Variants in ALLC observed in about 807,000 individuals in gnomAD.
ALLC encodes allantoicase, also known as probable inactive allantoicase.
ALLC carries 40 observed loss-of-function variants against 45.0 expected under a neutral mutation model. The observed-to-expected ratio is 0.89, with a 90% CI of 0.69 to 1.16. The LOEUF is 1.16. Ranked by LOEUF, ALLC falls within the 50% of genes most tolerant of loss-of-function variation. The pLI is 0.00. For synonymous variants in ALLC, 176 were observed against 178.1 expected, an observed-to-expected ratio of 0.99 and a Z score of 0.09; for missense variants, 488 against 493.1, an observed-to-expected ratio of 0.99 and a Z score of 0.10.
rs1003862653 is a variant in ALLC at position 3,685,431 on chromosome 2, GAGAGAGAGAGAGAGAC to G, written c.511+2379_511+2394del. ...ATGTCTTACATGGCAGCAGGATCGA[GAGAGAGAGAGAGAGAC>G]AGAGAGAGAGAGAGACAGAGACAGA... is the stretch of plus-strand genomic sequence containing the variant. On this transcript the variant is annotated intron_variant, in intron 7 of 11. Coordinates refer to ENST00000252505, the MANE Select transcript of ALLC (RefSeq NM_018436.4). Among the ~76,000 whole-genome samples, 15 of 147,856 alleles carry G rather than the reference GAGAGAGAGAGAGAGAC, an allele frequency of 1.0e-4. 1 individual carries two copies. The highest frequency in any genetic ancestry group is 2.7e-4 in the Admixed American group (4 of 14,812).
intron 7 of ALLC, among the ~76,000 whole-genome samples, chr2:3,684,196 C>T (rs372632779): frequency 6.6e-6 from 1 of 152,140 alleles, no homozygotes; most frequent in East Asian, 1.9e-4. Context: ...CACTATTTTA[C>T]ATTCTTAACA....
At chr2:3,657,011 G>A (rs1035682999), upstream of ALLC, among the ~76,000 whole-genome samples, 9 of 152,142 alleles carry the variant, frequency 5.9e-5, no homozygotes, top group Admixed American at 3.9e-4. Context: ...GGGAAGTCAC[G>A]GCTGACAAGA....
chr2:3,662,886 C>A (rs924187639), intron 1 of ALLC, among the ~76,000 whole-genome samples: 7 of 152,174 alleles, frequency 4.6e-5, no homozygotes, highest in African/African-American at 1.4e-4. Context: ...GGGATATAGA[C>A]CTGCAAAGTG....
chr2:3,679,713 C>T (rs1667121030), intron 4 of ALLC, among the ~76,000 whole-genome samples, 156 bp from the exon 5 acceptor site: 1 of 152,142 alleles, frequency 6.6e-6, no homozygotes, highest in African/African-American at 2.4e-5. Flanking sequence ...AGAGATCCTA[C>T]AGTCATATTA....
chr2:3,657,638 A>G (rs1666473144), upstream of ALLC, among the ~76,000 whole-genome samples: 1 of 152,000 alleles, frequency 6.6e-6, no homozygotes, highest in African/African-American at 2.4e-5. Context: ...TTCTGCATGG[A>G]AAGTTCTTCT....
chr2:3,657,517 C>T (rs1666470860), upstream of ALLC, among the ~76,000 whole-genome samples: 1 of 152,124 alleles, frequency 6.6e-6, no homozygotes, highest in Admixed American at 6.5e-5. Context: ...TTCCTGCCTT[C>T]AAGGCCCCAG....
upstream of ALLC, among the ~76,000 whole-genome samples, chr2:3,655,055 G>A (rs6723203): frequency 0.034 from 5,193 of 152,274 alleles, 303 homozygotes; most frequent in African/African-American, 0.12. Flanking sequence ...CTCCCTCTGC[G>A]GACAGGAACT....
chr2:3,697,501 A>G (rs1667706067), intron 10 of ALLC, 45 bp downstream of exon 10: 2 of 1,506,224 alleles, frequency 1.3e-6, no homozygotes, highest in Non-Finnish European at 1.8e-6. Context: ...TGGTTTGTTT[A>G]TTCTAAAGAC....
chr2:3,685,537 C>T (rs1667316219), intron 7 of ALLC, among the ~76,000 whole-genome samples: 1 of 150,600 alleles, frequency 6.6e-6, no homozygotes, highest in Non-Finnish European at 1.5e-5. Context: ...ACAAGAACTC[C>T]CTATCAGAAG....
At chr2:3,651,297 T>TGGGGGGGGGGGGGGGGGGGGG in the ALLC span, among the ~76,000 whole-genome samples, 1 of 1,720 alleles carries the variant, frequency 5.8e-4, no homozygotes, top group Non-Finnish European at 1.8e-3. Flanking sequence ...GAATTCTTTT[T>TGGGGGGGGGGGGGGGGGGGGG]GGGTGGGTGG....
At chr2:3,652,447 A>G in the ALLC span, among the ~76,000 whole-genome samples, 38 of 152,282 alleles carry the variant, frequency 2.5e-4, no homozygotes, top group Non-Finnish European at 4.0e-4. Flanking sequence ...CCTTAGATAC[A>G]AAGGAGGCTG....
chr2:3,678,307 T>C (rs974582944), intron 3 of ALLC, among the ~76,000 whole-genome samples, 161 bp from the exon 4 acceptor site: 9 of 152,206 alleles, frequency 5.9e-5, no homozygotes, highest in African/African-American at 2.2e-4. Flanking sequence ...GAGGCATCTC[T>C]CAATCTGGAA....
the ALLC span, among the ~76,000 whole-genome samples, chr2:3,647,598 C>A: frequency 6.6e-6 from 1 of 151,580 alleles, no homozygotes; most frequent in Non-Finnish European, 1.5e-5. Context: ...GTCGCTCACC[C>A]GTCCTCTCCT....
chr2:3,670,828 G>T (rs1303424402), intron 1 of ALLC, among the ~76,000 whole-genome samples: 32 of 141,746 alleles, frequency 2.3e-4, no homozygotes. Flanking sequence ...TGGCGATAGG[G>T]TTTGTATAGC....
upstream of ALLC, among the ~76,000 whole-genome samples, chr2:3,653,497 T>C (rs1052161195): frequency 1.3e-5 from 2 of 152,310 alleles, no homozygotes; most frequent in African/African-American, 2.4e-5. This position sits in a 1 kb window ranked among gnomAD's most constrained non-coding sequence, Gnocchi z 4.1. Context: ...CCAGCTACGA[T>C]CCAGCCCTTG....
the ALLC span, among the ~76,000 whole-genome samples, chr2:3,651,424 TGTGTGTGTGTGTGTGTGTTAGGAA>T: frequency 1.7e-5 from 1 of 57,340 alleles, no homozygotes; most frequent in Non-Finnish European, 4.0e-5. Context: ...TGTGTGTGTG[TGTGTGTGTGTGTGTGTGTTAGGAA>T]GGGAGACGAG....
intron 6 of ALLC, 140 bp from the exon 7 acceptor site, chr2:3,682,802 G>A (rs1261859350): frequency 2.5e-5 from 21 of 837,380 alleles, no homozygotes; most frequent in East Asian, 2.2e-4. Flanking sequence ...TGGGATTACA[G>A]GCGTGAGCCA....
At chr2:3,696,986 T>G (rs575570786) in intron 9 of ALLC, among the ~76,000 whole-genome samples, 1 of 152,306 alleles carries the variant, frequency 6.6e-6, no homozygotes, top group East Asian at 1.9e-4. Flanking sequence ...TGTATCAGTA[T>G]AGGTTTGACC....
intron 7 of ALLC, chr2:3,695,507 T>G (rs144958347): frequency 1.8e-6 from 1 of 568,706 alleles, no homozygotes; most frequent in East Asian, 3.0e-5. Context: ...ATAAGTAATC[T>G]TTTGGAGAGC....
Sources: allele counts gnomAD v4.1 joint callset (sites outside exome capture counted in the v4.1 genomes callset), GRCh38; gene constraint gnomAD v4.1.1; non-coding constraint Gnocchi (gnomAD v3.1); transcripts MANE v1.5; gene names NCBI Gene and HGNC (gene_info 2026-07-23, HGNC 2026-07-21).